Variants in ZNRF3 observed in about 807,000 individuals in gnomAD.
ZNRF3 encodes E3 ubiquitin-protein ligase ZNRF3.
ZNRF3 carries 23 observed loss-of-function variants against 72.5 expected under a neutral mutation model. The ratio of observed to expected loss-of-function variants is 0.32; its 90% CI spans 0.23 to 0.45. ZNRF3 has a LOEUF of 0.45. ZNRF3 is among the 20% of genes least tolerant of loss of function. ZNRF3 has a pLI of 1.00. For synonymous variants in ZNRF3, 610 were observed against 545.3 expected (o/e 1.12, Z -1.65); for missense variants, 1,169 against 1,272.1 (o/e 0.92, Z 1.23).
rs574149263 is a variant in ZNRF3 at position 29,030,548 on chromosome 22, C to T, written c.427-11947C>T. Among the ~76,000 whole-genome samples, 1 of 152,258 alleles carries T rather than the reference C, an allele frequency of 6.6e-6. No individual in the cohort carries two copies. The highest frequency in any genetic ancestry group is 2.1e-4 in the South Asian group (1 of 4,826). On this transcript the variant is annotated intron_variant, in intron 2 of 8. Transcript: ENST00000544604. The surrounding 1 kb of genome is among the most constrained non-coding windows in gnomAD (Gnocchi z 4.2). ...CGTTCCGGAACTCAGAACCTGCAGC[C>T]GACGGGAGCCTTTGGAGGCTTAATG... is the stretch of plus-strand genomic sequence containing the variant.
chr22:28,913,621 T>G (rs1205426660), intron 1 of ZNRF3, among the ~76,000 whole-genome samples: 5 of 152,188 alleles, frequency 3.3e-5, no homozygotes, highest in Non-Finnish European at 7.3e-5. Flanking sequence ...CTTAGATTTG[T>G]GGTCTTCTCT....
chr22:29,039,784 CAAA>C (rs397976678), intron 2 of ZNRF3, among the ~76,000 whole-genome samples: 89 of 85,320 alleles, frequency 1.0e-3, no homozygotes, highest in African/African-American at 3.7e-3. Context: ...TCGTCTCTAC[CAAA>C]AAAAAAAAAA....
chr22:29,035,438 AATG>A (rs1429211724), intron 2 of ZNRF3, among the ~76,000 whole-genome samples: 11 of 152,350 alleles, frequency 7.2e-5, no homozygotes, highest in East Asian at 1.9e-4. Flanking sequence ...CATACAATGG[AATG>A]ATATGTGTAG....
chr22:29,006,578 G>C (rs1382914517), intron 2 of ZNRF3, among the ~76,000 whole-genome samples: 1 of 152,164 alleles, frequency 6.6e-6, no homozygotes, highest in Non-Finnish European at 1.5e-5. Context: ...TCAGTCTCCA[G>C]GCTGGCTGCT....
intron 2 of ZNRF3, among the ~76,000 whole-genome samples, chr22:29,040,186 CTTT>C (rs955618996): frequency 6.9e-6 from 1 of 145,870 alleles, no homozygotes. Flanking sequence ...CCCCCTCCCC[CTTT>C]TTTTTTTTGA....
At position 28,996,936 on chromosome 22, in the gene ZNRF3, C is replaced by T. The variant is rs1238108572; in HGVS notation, c.426+9735C>T. Among the ~76,000 whole-genome samples the T allele has an allele frequency of 4.6e-5, 7 of 152,138 alleles. No homozygotes were observed. The East Asian group carries it at 5.8e-4, about 13-fold the overall frequency. On this transcript the variant is annotated intron_variant, in intron 2 of 8. Coordinates refer to ENST00000544604, the MANE Select transcript of ZNRF3 (RefSeq NM_001206998.2). The stretch of plus-strand genomic sequence containing the variant: ...GTGGGGATGAGGGGCCTTATCCTTC[C>T]GCATGCCATCCTCATTGGGGTTTTG...
In ZNRF3 at chr22:29,050,522, T is replaced by C. The variant is rs1303378365; in HGVS notation, c.2341T>C (p.Phe781Leu). ...GAAATACGAGGGTCTGCCCTGCTGC[T>C]TCTATGAAGAGAAGCAGGTGGCCCG... ...GVKYEGLPCC[F>L]YEEKQVARGG... Residue 781 changes from phenylalanine (F) to leucine (L), a missense_variant, in exon 8 of 9, where the codon TTC becomes CTC. Around this residue, in one of 2 missense-constraint regions of ZNRF3, gnomAD observed 783 missense variants for 731.4 expected, o/e 1.07. Transcript: ENST00000544604. 1 of 1,612,148 alleles carries C rather than the reference T, an allele frequency of 6.2e-7. No homozygotes were observed. The highest frequency in any genetic ancestry group is 8.5e-7 in the Non-Finnish European group (1 of 1,179,630).
intron 1 of ZNRF3, among the ~76,000 whole-genome samples, chr22:28,940,186 G>A (rs2034915805): frequency 1.3e-5 from 2 of 152,188 alleles, no homozygotes; most frequent in Non-Finnish European, 2.9e-5. Flanking sequence ...TTCTGGCAGG[G>A]ATTCTGGGCC....
intron 1 of ZNRF3, among the ~76,000 whole-genome samples, chr22:28,920,796 T>C (rs115846224): frequency 0.014 from 2,197 of 152,358 alleles, 58 homozygotes; most frequent in African/African-American, 0.051. Flanking sequence ...CCTGTACCCC[T>C]TGGAATCCTT....
intron 1 of ZNRF3, among the ~76,000 whole-genome samples, chr22:28,888,664 G>A (rs2033832172): frequency 1.3e-5 from 2 of 152,324 alleles, no homozygotes; most frequent in South Asian, 4.1e-4. Context: ...TTTATACAGA[G>A]CACTGCCAAG....
chr22:29,050,506 G>C lies in ZNRF3; in HGVS notation c.2325G>C (p.Glu775Asp). Reference sequence around the variant, plus strand: ...CCAGGACAGATGGGGTGAAATACGAGGGTCTGCCCTGCTGCTTCTATGAAG... The same window carrying C: ...CCAGGACAGATGGGGTGAAATACGACGGTCTGCCCTGCTGCTTCTATGAAG... ...HLPRTDGVKY[E>D]GLPCCFYEEK... The change falls in exon 8 of 9, where the codon GAG (glutamate) becomes GAC (aspartate). Residue 775 changes from glutamate (E) to aspartate (D), a missense_variant. Physicochemically the swap from Glu to Asp is conservative, Grantham distance 45 (BLOSUM62 2). This residue lies in a region of ZNRF3 where 783 missense variants were observed against 731.4 expected (regional missense o/e 1.07). Coordinates refer to ENST00000544604, the MANE Select transcript of ZNRF3 (RefSeq NM_001206998.2). 1 of 1,612,692 alleles carries C rather than the reference G, an allele frequency of 6.2e-7. No individual in the cohort carries two copies. Among genetic ancestry groups the C allele is most frequent in the Non-Finnish European group, 8.5e-7 (1 of 1,179,864 alleles).
At chr22:29,008,633 C>G (rs1188486455) in intron 2 of ZNRF3, among the ~76,000 whole-genome samples, 1 of 152,122 alleles carries the variant, frequency 6.6e-6, no homozygotes, top group Non-Finnish European at 1.5e-5. Context: ...AGGAGATGGC[C>G]TAGGACTCAT....
chr22:29,027,237 T>C (rs1442332868), intron 2 of ZNRF3, among the ~76,000 whole-genome samples: 1 of 150,902 alleles, frequency 6.6e-6, no homozygotes, highest in Non-Finnish European at 1.5e-5. Flanking sequence ...ATTTTTTATT[T>C]AATTTTATTT....
chr22:28,988,947 C>G (rs574960091), intron 2 of ZNRF3, among the ~76,000 whole-genome samples: 18 of 152,118 alleles, frequency 1.2e-4, no homozygotes, highest in Non-Finnish European at 2.5e-4. Flanking sequence ...CTCAGAGAAC[C>G]CAACTATTTC....
intron 2 of ZNRF3, among the ~76,000 whole-genome samples, chr22:29,023,931 G>A (rs183074411): frequency 7.9e-5 from 12 of 152,308 alleles, no homozygotes; most frequent in African/African-American, 2.6e-4. Context: ...CATAGTGCTT[G>A]TAGTTATAGC....
intron 1 of ZNRF3, among the ~76,000 whole-genome samples, chr22:28,907,887 C>T (rs1291143053): frequency 6.6e-6 from 1 of 152,146 alleles, no homozygotes; most frequent in Non-Finnish European, 1.5e-5. Flanking sequence ...TAGTTACAAG[C>T]CTCTAAAATA....
intron 1 of ZNRF3, among the ~76,000 whole-genome samples, chr22:28,885,621 C>G (rs1428599116): frequency 7.0e-6 from 1 of 143,050 alleles, no homozygotes; most frequent in African/African-American, 2.6e-5. Context: ...AAAAGACGCT[C>G]TAGCGTGGCA....
intron 1 of ZNRF3, among the ~76,000 whole-genome samples, chr22:28,919,207 C>T (rs980307503): frequency 7.2e-5 from 11 of 152,208 alleles, no homozygotes; most frequent in African/African-American, 1.7e-4. Context: ...AGTTTGCAGT[C>T]CCTTCTTTCC....
chr22:28,911,502 T>G (rs1305477677), intron 1 of ZNRF3, among the ~76,000 whole-genome samples: 2 of 152,164 alleles, frequency 1.3e-5, no homozygotes, highest in African/African-American at 2.4e-5. Flanking sequence ...TGTAAGGGAG[T>G]AAGTGATGTT....
Sources: allele counts gnomAD v4.1 joint callset (sites outside exome capture counted in the v4.1 genomes callset), GRCh38; gene constraint gnomAD v4.1.1; regional missense constraint gnomAD v4.1.1; non-coding constraint Gnocchi (gnomAD v3.1); transcripts MANE v1.5; gene names NCBI Gene and HGNC (gene_info 2026-07-23, HGNC 2026-07-21).